The following AQR variants were observed in gnomAD, a reference collection of about 807,000 sequenced individuals.
AQR encodes RNA helicase aquarius.
AQR carries 61 observed loss-of-function variants against 180.5 expected under a neutral mutation model. That is an observed-to-expected ratio of 0.34 (90% CI 0.28 to 0.42). The LOEUF is 0.42. AQR is among the 10% of genes least tolerant of loss of function. The pLI, the probability that AQR is intolerant of heterozygous loss-of-function variation, is 1.00. For synonymous variants in AQR, 551 were observed against 588.8 expected (o/e 0.94, Z 0.93); for missense variants, 1,281 against 1,798.3 (o/e 0.71, Z 5.20).
intron 3 of AQR, among the ~76,000 whole-genome samples, chr15:34,959,089 C>T (rs956187237): frequency 1.3e-5 from 2 of 152,174 alleles, no homozygotes; most frequent in South Asian, 2.1e-4. Flanking sequence ...GAGCAGGGAT[C>T]GTATCTCCCC....
At chr15:34,882,361 C>G (rs1301845744) in intron 27 of AQR, 141 bp downstream of exon 27, 1 of 930,302 alleles carries the variant, frequency 1.1e-6, no homozygotes, top group African/African-American at 1.7e-5. Flanking sequence ...TCAGAGTTCA[C>G]TAATCATGTA....
rs111758364 is a variant in AQR, at chr15:34,936,716, T to TAA, written c.718+2019_718+2020dup. ...GGGAGACAGAATGAGACTCCATCTT[T>TAA]AAAAAAAAAAAAAAAGTTGTTTTCT... On this transcript the variant is annotated intron_variant, in intron 9 of 34. Transcript: ENST00000156471. 5.0e-5 allele frequency among the ~76,000 whole-genome samples: 7 copies of TAA among 139,334 alleles called. No homozygotes were observed. In the East Asian group the frequency reaches 6.3e-4, roughly 12 times the overall value. The allele number at this position is 139,334 out of a possible 152,430, so 91.4% of individuals were successfully genotyped here. A position where few individuals can be genotyped will look rare whatever the true frequency, so the allele number is the denominator to read the frequency against.
chr15:34,935,736 A>G (rs1893934437), intron 9 of AQR, among the ~76,000 whole-genome samples: 1 of 152,234 alleles, frequency 6.6e-6, no homozygotes, highest in South Asian at 2.1e-4. Flanking sequence ...ATCAGAGAAA[A>G]TGACCTGATA....
intron 1 of AQR, 99 bp from the exon 2 acceptor site, chr15:34,964,389 T>G: frequency 1.0e-6 from 1 of 952,832 alleles, no homozygotes; most frequent in Non-Finnish European, 1.7e-6. Flanking sequence ...AACAAGGCCC[T>G]ACTCGGCACT....
chr15:34,866,890 C>G (rs913669077), intron 32 of AQR, among the ~76,000 whole-genome samples: 5 of 151,982 alleles, frequency 3.3e-5, no homozygotes, highest in African/African-American at 1.2e-4. Context: ...ATTATGAGAG[C>G]TTGGAGAATT....
chr15:34,918,671 T>TA (rs774247425), intron 14 of AQR, among the ~76,000 whole-genome samples: 3 of 152,200 alleles, frequency 2.0e-5, no homozygotes, highest in African/African-American at 7.2e-5. Context: ...CTAAAACAGA[T>TA]AAAGTGCCAC....
chr15:34,954,343 T>C (rs570752451), intron 3 of AQR, among the ~76,000 whole-genome samples: 10 of 152,178 alleles, frequency 6.6e-5, no homozygotes, highest in Non-Finnish European at 1.5e-4. Flanking sequence ...GCTTGCTCTA[T>C]TGCCCAGGCT....
chr15:34,878,621 T>C (rs1257983292), intron 27 of AQR, among the ~76,000 whole-genome samples: 2 of 152,166 alleles, frequency 1.3e-5, no homozygotes, highest in Admixed American at 1.3e-4. Context: ...CAACATTGAA[T>C]TCATATTTCC....
rs371506950 is a variant in AQR, at chr15:34,941,961, C to G, written c.540+51G>C. ...ATTAAGGCTATAGACTAAAACCACACGTTCTACTTATAACACATACATTCA... is the reference window on the plus strand; with the variant it reads ...ATTAAGGCTATAGACTAAAACCACAGGTTCTACTTATAACACATACATTCA... On this transcript the variant is annotated intron_variant, in intron 7 of 34. Transcript: ENST00000156471. 7.1e-6 allele frequency: 10 copies of G among 1,406,354 alleles called. No homozygotes were observed. The East Asian group carries it at 2.4e-4, about 34-fold the overall frequency. The allele number at this position is 1,406,354 out of a possible 1,614,324, so 87.1% of individuals were successfully genotyped here. A position where few individuals can be genotyped will look rare whatever the true frequency, so the allele number is the denominator to read the frequency against.
intron 6 of AQR, 73 bp from the exon 7 acceptor site, chr15:34,942,153 T>C (rs1894032875): frequency 6.1e-6 from 7 of 1,147,400 alleles, no homozygotes; most frequent in Non-Finnish European, 7.5e-6. Context: ...ATAAGAAGTA[T>C]ACTGCCTTTT....
At chr15:34,907,324 T>C (rs1418412872) in intron 17 of AQR, among the ~76,000 whole-genome samples, 1 of 152,226 alleles carries the variant, frequency 6.6e-6, no homozygotes, top group African/African-American at 2.4e-5. Flanking sequence ...CCACAGCTTC[T>C]TGGTCACTAG....
rs1595782495 is a variant in AQR, at chr15:34,873,237, T to C, written c.3597+591A>G. On this transcript the variant is annotated intron_variant, in intron 30 of 34. Transcript: ENST00000156471. Reference sequence around the variant, plus strand: ...TGCCCAATTATTTTTTTAGGATAAATTCCTAGATGTGAGAACATTGCTTTT... The same window carrying C: ...TGCCCAATTATTTTTTTAGGATAAACTCCTAGATGTGAGAACATTGCTTTT... 2.6e-5 allele frequency among the ~76,000 whole-genome samples: 4 copies of C among 152,126 alleles called. No individual in the cohort carries two copies. In the South Asian group the frequency reaches 6.2e-4, roughly 24 times the overall value.
intron 27 of AQR, 122 bp from the exon 28 acceptor site, chr15:34,876,128 C>T (rs1443684322): frequency 1.4e-6 from 1 of 709,424 alleles, no homozygotes; most frequent in Non-Finnish European, 2.4e-6. Flanking sequence ...ATTATTCAGA[C>T]AGATAAAAAT....
At chr15:34,939,624 C>G (rs182561626) in intron 8 of AQR, among the ~76,000 whole-genome samples, 1 of 152,246 alleles carries the variant, frequency 6.6e-6, no homozygotes, top group African/African-American at 2.4e-5. Flanking sequence ...AGACATGTAT[C>G]AAGTATCGTA....
At chr15:34,864,181 T>C (rs927407916) in intron 32 of AQR, among the ~76,000 whole-genome samples, 5 of 151,776 alleles carry the variant, frequency 3.3e-5, no homozygotes, top group African/African-American at 1.2e-4. Flanking sequence ...GTTTTTTTTA[T>C]GGTCTAGTCT....
intron 26 of AQR, 126 bp downstream of exon 26, chr15:34,884,399 C>T (rs767445630): frequency 2.3e-5 from 19 of 838,498 alleles, no homozygotes; most frequent in Non-Finnish European, 3.2e-5. Context: ...GGGCAAGACT[C>T]CGTCTCAAAA....
intron 18 of AQR, among the ~76,000 whole-genome samples, chr15:34,906,017 G>A (rs1595792874): frequency 6.6e-6 from 1 of 151,586 alleles, no homozygotes; most frequent in African/African-American, 2.4e-5. Context: ...CTGGTTGACA[G>A]AGCAAAACTC....
intron 27 of AQR, among the ~76,000 whole-genome samples, chr15:34,879,952 C>A (rs1190229191): frequency 6.6e-6 from 1 of 152,140 alleles, no homozygotes; most frequent in East Asian, 1.9e-4. Flanking sequence ...ACCCAGGGAC[C>A]CAGGAAAGTA....
chr15:34,963,624 T>A (rs918442099), intron 2 of AQR, among the ~76,000 whole-genome samples: 1 of 151,934 alleles, frequency 6.6e-6, no homozygotes, highest in Non-Finnish European at 1.5e-5. Context: ...TAAGAATCTA[T>A]AAACAGAAAA....
Sources: allele counts gnomAD v4.1 joint callset (sites outside exome capture counted in the v4.1 genomes callset), GRCh38; gene constraint gnomAD v4.1.1; transcripts MANE v1.5; gene names NCBI Gene and HGNC (gene_info 2026-07-23, HGNC 2026-07-21).